The following ASTN2 variants were observed in gnomAD, a reference collection of about 807,000 sequenced individuals.
ASTN2 encodes the protein astrotactin 2, also known as astrotactin-2.
A neutral mutation model predicts 139.8 loss-of-function variants in ASTN2; 54 were observed. That is an observed-to-expected ratio of 0.39 (90% CI 0.31 to 0.48). The LOEUF is 0.48. Ranked by LOEUF, ASTN2 falls within the 20% of genes least tolerant of loss-of-function variation. The pLI is 0.95. For synonymous variants in ASTN2, 756 were observed against 719.5 expected, an observed-to-expected ratio of 1.05 and a Z score of -0.81; for missense variants, 1,565 against 1,725.1, an observed-to-expected ratio of 0.91 and a Z score of 1.64.
intron 1 of ASTN2, among the ~76,000 whole-genome samples, chr9:117,367,601 GA>G (rs1379999827): frequency 6.6e-6 from 1 of 152,130 alleles, no homozygotes; most frequent in Non-Finnish European, 1.5e-5. Context: ...CTTCCCTTCA[GA>G]CGGTAAGCTC....
At chr9:117,237,316 G>T (rs146544438) in intron 2 of ASTN2, among the ~76,000 whole-genome samples, 1 of 152,128 alleles carries the variant, frequency 6.6e-6, no homozygotes. Flanking sequence ...TTGGAAGCAG[G>T]TCTGAGTTCT....
intron 14 of ASTN2, among the ~76,000 whole-genome samples, chr9:116,732,062 T>G (rs368364193): frequency 6.6e-6 from 1 of 152,220 alleles, no homozygotes; most frequent in South Asian, 2.1e-4. Context: ...TTTTACAAGG[T>G]GTCTTTTACA....
intron 19 of ASTN2, among the ~76,000 whole-genome samples, chr9:116,600,059 A>C (rs1276037005): frequency 1.3e-5 from 2 of 152,246 alleles, no homozygotes; most frequent in East Asian, 3.9e-4. Context: ...ATGGTGGCTA[A>C]TGCCTGTAAT....
intron 2 of ASTN2, among the ~76,000 whole-genome samples, chr9:117,244,656 G>C (rs73517245): frequency 0.012 from 1,719 of 144,004 alleles, 48 homozygotes; most frequent in African/African-American, 0.045. Context: ...AGTAGGGAAG[G>C]GAGTGAGAGA....
At chr9:117,107,126 C>A (rs1829127941) in intron 4 of ASTN2, among the ~76,000 whole-genome samples, 1 of 152,038 alleles carries the variant, frequency 6.6e-6, no homozygotes, top group African/African-American at 2.4e-5. Context: ...ATTAAGTATT[C>A]ATCTTCAATA....
At chr9:116,898,409 C>CAA (rs60880553) in intron 10 of ASTN2, among the ~76,000 whole-genome samples, 133,522 of 138,804 alleles carry the variant, frequency 0.96, 64,310 homozygotes, top group East Asian at 0.99. Context: ...GACCCTGTCT[C>CAA]AAAAAAAAAA....
At chr9:117,025,798 CTTTTT>C (rs111710831) in intron 6 of ASTN2, among the ~76,000 whole-genome samples, 1 of 144,448 alleles carries the variant, frequency 6.9e-6, no homozygotes, top group Non-Finnish European at 1.5e-5. Context: ...CTTTTCTTTT[CTTTTT>C]TTTTTTTTGA....
chr9:116,907,137 C>T (rs1013834474), intron 10 of ASTN2, among the ~76,000 whole-genome samples: 12 of 152,274 alleles, frequency 7.9e-5, no homozygotes, highest in South Asian at 2.1e-4. Context: ...GAGAATTGTA[C>T]GAGATCACTC....
At chr9:116,999,550 T>A in intron 7 of ASTN2, among the ~76,000 whole-genome samples, 1 of 3,472 alleles carries the variant, frequency 2.9e-4, no homozygotes, top group Non-Finnish European at 1.4e-3. Flanking sequence ...CTCTCTTTCT[T>A]TTTTTTTTTT....
chr9:116,968,556 A>C lies in ASTN2; in HGVS notation c.1889+6652T>G, dbSNP rs147415838. 5.9e-4 allele frequency among the ~76,000 whole-genome samples: 90 copies of C among 152,258 alleles called. 1 individual carries two copies. Among genetic ancestry groups the C allele is most frequent in the East Asian group, 5.8e-3 (30 of 5,188 alleles). The stretch of plus-strand genomic sequence containing the variant: ...CTCTCTGCTGTCCTTCTCTCCCTTC[A>C]TCAACTGCCATGCATCCCTTGGCAC... On this transcript the variant is annotated intron_variant, in intron 10 of 22. Transcript: ENST00000313400.
chr9:116,926,360 T>C (rs1314921325), intron 10 of ASTN2, among the ~76,000 whole-genome samples: 1 of 152,256 alleles, frequency 6.6e-6, no homozygotes, highest in East Asian at 1.9e-4. Flanking sequence ...GCTTTCTTTT[T>C]GGTGCATAGA....
intron 16 of ASTN2, among the ~76,000 whole-genome samples, chr9:116,712,739 A>G (rs1281112387): frequency 6.6e-6 from 1 of 152,246 alleles, no homozygotes; most frequent in African/African-American, 2.4e-5. Context: ...TTCTAGACTC[A>G]ACCCGAACTT....
At chr9:116,542,054 C>T (rs1044904662) in intron 19 of ASTN2, among the ~76,000 whole-genome samples, 2 of 152,144 alleles carry the variant, frequency 1.3e-5, no homozygotes, top group Non-Finnish European at 2.9e-5. Flanking sequence ...TTTATAGTCA[C>T]ACTACTTTCC....
At position 116,679,129 on chromosome 9, in the gene ASTN2, T is replaced by A. The variant is rs7857552; in HGVS notation, c.2807-27336A>T. ...GAGTAAAGGTTTTTCTTTTTAAAAA[T>A]TTTTGAAGTTATCATTTTGGCCAAA... On this transcript the variant is annotated intron_variant, in intron 16 of 22. Coordinates refer to ENST00000313400, the MANE Select transcript of ASTN2 (RefSeq NM_001365068.1). Among the ~76,000 whole-genome samples, 702 of 152,290 alleles carry A rather than the reference T, an allele frequency of 4.6e-3. 3 individuals carry two copies. The highest frequency in any genetic ancestry group is 0.016 in the African/African-American group (670 of 41,586).
At chr9:116,931,450 A>G (rs181537034) in intron 10 of ASTN2, among the ~76,000 whole-genome samples, 1 of 152,286 alleles carries the variant, frequency 6.6e-6, no homozygotes, top group East Asian at 1.9e-4. Context: ...CAGGCAACAA[A>G]TTATTGAATT....
At chr9:117,387,723 C>T (rs1830435474) in intron 1 of ASTN2, among the ~76,000 whole-genome samples, 2 of 152,274 alleles carry the variant, frequency 1.3e-5, no homozygotes, top group South Asian at 2.1e-4. Context: ...TCCCCTAAGG[C>T]AAATCCTCTT....
chr9:116,869,883 C>T (rs774502851), intron 10 of ASTN2, among the ~76,000 whole-genome samples: 1 of 151,644 alleles, frequency 6.6e-6, no homozygotes, highest in Non-Finnish European at 1.5e-5. Flanking sequence ...GTGGGAGGAT[C>T]GCTTGAGCCC....
chr9:117,064,273 C>T (rs1037685507), intron 5 of ASTN2, among the ~76,000 whole-genome samples: 12 of 152,142 alleles, frequency 7.9e-5, no homozygotes, highest in African/African-American at 2.9e-4. Flanking sequence ...TTCCTCCAAG[C>T]TGCTGCAGTC....
intron 11 of ASTN2, among the ~76,000 whole-genome samples, chr9:116,860,148 C>T (rs1288489596): frequency 6.6e-6 from 1 of 152,078 alleles, no homozygotes; most frequent in East Asian, 1.9e-4. Flanking sequence ...AGCTCCTAGG[C>T]CTTACAGGTA....
Sources: allele counts gnomAD v4.1 joint callset (sites outside exome capture counted in the v4.1 genomes callset), GRCh38; gene constraint gnomAD v4.1.1; transcripts MANE v1.5; gene names NCBI Gene and HGNC (gene_info 2026-07-23, HGNC 2026-07-21).